Variants in TBC1D5 observed in about 807,000 individuals in gnomAD.
The protein encoded by TBC1D5 is TBC1 domain family, member 5.
In TBC1D5, 75 loss-of-function variants were observed where a neutral mutation model predicts 100.3. That is an observed-to-expected ratio of 0.75 (90% CI 0.62 to 0.91). The LOEUF (loss-of-function observed/expected upper bound fraction) is 0.91. TBC1D5 is among the 40% of genes least tolerant of loss of function. The pLI, the probability that TBC1D5 is intolerant of heterozygous loss-of-function variation, is 0.00. For missense variants in TBC1D5, 910 were observed against 942.4 expected, an observed-to-expected ratio of 0.97 and a Z score of 0.45; for synonymous variants, 323 against 325.6, an observed-to-expected ratio of 0.99 and a Z score of 0.09.
intron 1 of TBC1D5, among the ~76,000 whole-genome samples, chr3:17,698,701 AAAAC>A (rs1381443138): frequency 3.3e-5 from 5 of 150,084 alleles, no homozygotes; most frequent in African/African-American, 4.9e-5. Flanking sequence ...TTACAAGAAA[AAAAC>A]AAACAACCCC....
At chr3:17,712,776 A>T (rs2074863875) in intron 1 of TBC1D5, among the ~76,000 whole-genome samples, 1 of 152,170 alleles carries the variant, frequency 6.6e-6, no homozygotes, top group African/African-American at 2.4e-5. Context: ...AAGGAGAGCC[A>T]CTCTGAGACG....
At chr3:17,230,526 T>G (rs141386996) in intron 17 of TBC1D5, among the ~76,000 whole-genome samples, 2 of 152,150 alleles carry the variant, frequency 1.3e-5, no homozygotes, top group Non-Finnish European at 2.9e-5. Flanking sequence ...ATTGGAATCA[T>G]CTAATGTCAC....
At chr3:17,612,940 ATT>A (rs1295303198) in intron 2 of TBC1D5, among the ~76,000 whole-genome samples, 7 of 151,134 alleles carry the variant, frequency 4.6e-5, no homozygotes, top group African/African-American at 1.7e-4. Flanking sequence ...CAACATGCAA[ATT>A]TGTTACATAT....
At chr3:17,718,844 A>T (rs1382255757) in intron 1 of TBC1D5, among the ~76,000 whole-genome samples, 3 of 152,166 alleles carry the variant, frequency 2.0e-5, no homozygotes, top group Non-Finnish European at 4.4e-5. Context: ...AAATAGAATT[A>T]AAAAACCCTA....
intron 13 of TBC1D5, among the ~76,000 whole-genome samples, chr3:17,353,121 C>G (rs1274410547): frequency 1.3e-5 from 2 of 151,996 alleles, no homozygotes; most frequent in African/African-American, 4.8e-5. Flanking sequence ...AAAAGAAAAT[C>G]CATGGCACTG....
Position 17,628,028 on chromosome 3 carries a change from T to C in TBC1D5, c.-100-4115A>G, listed in dbSNP as rs112711612. Among the ~76,000 whole-genome samples, 1,315 of 152,192 alleles carry C rather than the reference T, an allele frequency of 8.6e-3. 25 individuals carry two copies. Among genetic ancestry groups the C allele is most frequent in the African/African-American group, 0.03 (1,240 of 41,520 alleles). ...TATATTTCCTAAATGCTATAAAATA[T>C]TACAATGAGAAAAAAAATCTAACAA... On this transcript the variant is annotated intron_variant, in intron 1 of 21. Transcript: ENST00000253692.
At chr3:17,741,556 C>A (rs2077436285), upstream of TBC1D5, among the ~76,000 whole-genome samples, 1 of 152,170 alleles carries the variant, frequency 6.6e-6, no homozygotes, top group South Asian at 2.1e-4. Flanking sequence ...GTGAAACCTG[C>A]ATGTTAAAAT....
At chr3:17,714,588 G>A (rs935392638) in intron 1 of TBC1D5, among the ~76,000 whole-genome samples, 13 of 152,114 alleles carry the variant, frequency 8.5e-5, no homozygotes, top group African/African-American at 3.1e-4. Context: ...GTTTTGTCAC[G>A]ACTCTAGCTA....
chr3:17,195,252 C>T (rs1344826992), intron 18 of TBC1D5, among the ~76,000 whole-genome samples: 1 of 152,192 alleles, frequency 6.6e-6, no homozygotes, highest in Non-Finnish European at 1.5e-5. Flanking sequence ...TATAATTAGG[C>T]AACCTGACCA....
intron 3 of TBC1D5, among the ~76,000 whole-genome samples, chr3:17,483,633 A>C (rs1046595617): frequency 1.3e-5 from 2 of 152,190 alleles, no homozygotes; most frequent in African/African-American, 4.8e-5. Flanking sequence ...TGAACTGTAT[A>C]TTATTAAAAG....
intron 3 of TBC1D5, among the ~76,000 whole-genome samples, chr3:17,455,460 A>G (rs577366849): frequency 2.7e-4 from 39 of 146,822 alleles, no homozygotes; most frequent in African/African-American, 5.8e-4. Context: ...ATGTGTGTGT[A>G]TATATATGTG....
intron 2 of TBC1D5, among the ~76,000 whole-genome samples, chr3:17,511,039 G>T (rs1482411919): frequency 6.6e-6 from 1 of 151,908 alleles, no homozygotes; most frequent in Non-Finnish European, 1.5e-5. Flanking sequence ...TATAAAAAAA[G>T]GGGGTATAAA....
chr3:17,612,524 G>C (rs1280279051), intron 2 of TBC1D5, among the ~76,000 whole-genome samples: 1 of 152,028 alleles, frequency 6.6e-6, no homozygotes, highest in East Asian at 1.9e-4. Flanking sequence ...CAGCTACTCG[G>C]GAGGCTGAGG....
chr3:17,591,769 C>A (rs2060243903), intron 2 of TBC1D5, among the ~76,000 whole-genome samples: 1 of 152,032 alleles, frequency 6.6e-6, no homozygotes, highest in Non-Finnish European at 1.5e-5. Context: ...GTGGGAAAGG[C>A]CAAATGGAAG....
At chr3:17,739,457 T>C (rs761517459) in exon 1 of TBC1D5, 10 of 152,134 alleles carry the variant, frequency 6.6e-5, no homozygotes, top group African/African-American at 1.7e-4. Context: ...ACCCAGTCAA[T>C]CCCTAAACCT....
At chr3:17,185,929 G>A (rs968960536) in intron 18 of TBC1D5, among the ~76,000 whole-genome samples, 6 of 149,488 alleles carry the variant, frequency 4.0e-5, no homozygotes, top group African/African-American at 1.2e-4. Flanking sequence ...AAAAACAATC[G>A]AACTGTAACA....
chr3:17,211,851 A>G (rs1575996286), intron 18 of TBC1D5, among the ~76,000 whole-genome samples: 2 of 152,246 alleles, frequency 1.3e-5, no homozygotes, highest in East Asian at 3.8e-4. Flanking sequence ...GGTTTAAACT[A>G]AAGTTCCTCT....
At chr3:17,624,317 CTTTA>C (rs1413118820) in intron 1 of TBC1D5, among the ~76,000 whole-genome samples, 1 of 152,066 alleles carries the variant, frequency 6.6e-6, no homozygotes, top group Non-Finnish European at 1.5e-5. Flanking sequence ...TACATGATGC[CTTTA>C]TTTTTTTATA....
chr3:17,602,563 T>A (rs968295448), intron 2 of TBC1D5, among the ~76,000 whole-genome samples: 1 of 107,360 alleles, frequency 9.3e-6, no homozygotes, highest in African/African-American at 4.5e-5. Flanking sequence ...AGAATCAGAT[T>A]TTTTTTTTTT....
Sources: allele counts gnomAD v4.1 joint callset (sites outside exome capture counted in the v4.1 genomes callset), GRCh38; gene constraint gnomAD v4.1.1; transcripts MANE v1.5; gene names NCBI Gene and HGNC (gene_info 2026-07-23, HGNC 2026-07-21).